Variants in HS2ST1 observed in about 807,000 individuals in gnomAD.
The protein encoded by HS2ST1 is 2-O-sulfotransferase.
Under a neutral mutation model 42.9 loss-of-function variants are expected in HS2ST1, and 18 were observed. The observed-to-expected ratio is 0.42, with a 90% CI of 0.29 to 0.62. The LOEUF (loss-of-function observed/expected upper bound fraction) is 0.62. Ranked by LOEUF, HS2ST1 falls within the 20% of genes least tolerant of loss-of-function variation. HS2ST1 has a pLI of 0.21. For synonymous variants in HS2ST1, 146 were observed against 152.9 expected, an observed-to-expected ratio of 0.95 and a Z score of 0.33; for missense variants, 334 against 433.8, an observed-to-expected ratio of 0.77 and a Z score of 2.04.
chr1:86,992,362 C>T (rs1172658920), intron 1 of HS2ST1, among the ~76,000 whole-genome samples: 2 of 146,258 alleles, frequency 1.4e-5, no homozygotes, highest in African/African-American at 5.0e-5. Context: ...TTTTCTCTTT[C>T]TTTTTTTTTT....
At chr1:87,083,105 A>G (rs1176194837) in intron 2 of HS2ST1, among the ~76,000 whole-genome samples, 1 of 152,174 alleles carries the variant, frequency 6.6e-6, no homozygotes, top group Non-Finnish European at 1.5e-5. Context: ...ACATATAGCT[A>G]TATCTGCACT....
At chr1:87,021,330 C>T (rs1245225958) in intron 1 of HS2ST1, among the ~76,000 whole-genome samples, 1 of 152,188 alleles carries the variant, frequency 6.6e-6, no homozygotes, top group East Asian at 1.9e-4. Context: ...GTTCCCCCCT[C>T]TAGTCAATAT....
chr1:86,952,329 C>T (rs1456351443), intron 1 of HS2ST1, among the ~76,000 whole-genome samples: 1 of 151,122 alleles, frequency 6.6e-6, no homozygotes, highest in African/African-American at 2.4e-5. Context: ...CCTTTGCCTC[C>T]TGGGCTCAAG....
chr1:87,047,531 T>C (rs914874135), intron 1 of HS2ST1, among the ~76,000 whole-genome samples: 7 of 152,196 alleles, frequency 4.6e-5, no homozygotes, highest in African/African-American at 1.7e-4. Flanking sequence ...ATAAGTTTTA[T>C]AATTTTAGCT....
At chr1:87,008,861 C>A (rs1374070555) in intron 1 of HS2ST1, among the ~76,000 whole-genome samples, 1 of 152,034 alleles carries the variant, frequency 6.6e-6, no homozygotes, top group African/African-American at 2.4e-5. Flanking sequence ...TTTATTTATT[C>A]GAGACAGGGT....
intron 1 of HS2ST1, among the ~76,000 whole-genome samples, chr1:86,948,658 ATTT>A (rs1647412841): frequency 6.6e-6 from 1 of 152,184 alleles, no homozygotes; most frequent in Non-Finnish European, 1.5e-5. Flanking sequence ...TGTGCCATTT[ATTT>A]TTAATTAGAA....
chr1:87,003,342 AT>A (rs1399708373), intron 1 of HS2ST1, among the ~76,000 whole-genome samples: 1 of 152,246 alleles, frequency 6.6e-6, no homozygotes, highest in Non-Finnish European at 1.5e-5. Context: ...TTCATACTAA[AT>A]GGGATTTTAT....
Position 87,087,495 on chromosome 1 carries a change from T to A in HS2ST1, c.449+3216T>A, listed in dbSNP as rs148995623. Among the ~76,000 whole-genome samples, 295 of 152,252 alleles carry A rather than the reference T, an allele frequency of 1.9e-3. 1 individual carries two copies. The highest frequency in any genetic ancestry group is 6.8e-3 in the African/African-American group (281 of 41,564). ...TGGTTCCTCCATATTGCCGCTAGTA[T>A]CATTTTCAGAACAAGTGAGGTGAAT... On this transcript the variant is annotated intron_variant, in intron 3 of 6. Coordinates refer to ENST00000370550, the MANE Select transcript of HS2ST1 (RefSeq NM_012262.4).
chr1:87,004,651 A>G (rs919788439), intron 1 of HS2ST1, among the ~76,000 whole-genome samples: 7 of 152,328 alleles, frequency 4.6e-5, no homozygotes, highest in Non-Finnish European at 5.9e-5. Flanking sequence ...GTATTCCCTG[A>G]ACTAATTCCA....
chr1:87,073,485 T>C (rs2100635099), intron 2 of HS2ST1, among the ~76,000 whole-genome samples: 1 of 152,296 alleles, frequency 6.6e-6, no homozygotes, highest in Middle Eastern at 3.4e-3. Flanking sequence ...TACCCTGCAA[T>C]AAAAATTATT....
intron 1 of HS2ST1, among the ~76,000 whole-genome samples, chr1:86,937,178 A>G (rs1660675583): frequency 6.6e-6 from 1 of 152,112 alleles, no homozygotes; most frequent in South Asian, 2.1e-4. Flanking sequence ...TTGCAAACTG[A>G]TATTCCCGAA....
Position 87,101,150 on chromosome 1 carries a change from TTTTTTG to T in HS2ST1, c.687-2276_687-2271del, listed in dbSNP as rs542734240. On this transcript the variant is annotated intron_variant, in intron 5 of 6. Coordinates refer to ENST00000370550, the MANE Select transcript of HS2ST1 (RefSeq NM_012262.4). The stretch of plus-strand genomic sequence containing the variant: ...CATCACTTTTGTGTGTGTGTGTGTG[TTTTTTG>T]TTTTTTTTTTTTTTTTTTTTTTTTT... Among the ~76,000 whole-genome samples the T allele has an allele frequency of 5.4e-3, 349 of 65,094 alleles. 52 individuals are homozygous for T. The highest frequency in any genetic ancestry group is 0.021 in the African/African-American group (331 of 15,934). 42.7% of individuals were successfully genotyped at this position (65,094 alleles called of 152,430 possible). A position where few individuals can be genotyped will look rare whatever the true frequency, so the allele number is the denominator to read the frequency against.
intron 1 of HS2ST1, among the ~76,000 whole-genome samples, chr1:86,930,206 G>A (rs1216891863): frequency 1.3e-5 from 2 of 151,956 alleles, no homozygotes; most frequent in South Asian, 2.1e-4. Context: ...AATTTGAAGA[G>A]TAGAGCAGTG....
chr1:87,078,340 C>CA (rs780275759), intron 2 of HS2ST1, among the ~76,000 whole-genome samples: 1 of 152,150 alleles, frequency 6.6e-6, no homozygotes, highest in Non-Finnish European at 1.5e-5. Context: ...ATTCAACTAA[C>CA]AAAAAACCCC....
chr1:86,988,032 G>C (rs754260640), intron 1 of HS2ST1, among the ~76,000 whole-genome samples: 1 of 152,192 alleles, frequency 6.6e-6, no homozygotes, highest in Non-Finnish European at 1.5e-5. Context: ...AAGGTTGCTG[G>C]TCTCTCTCAC....
chr1:87,091,730 G>A (rs1037805468), intron 3 of HS2ST1, among the ~76,000 whole-genome samples: 1 of 152,024 alleles, frequency 6.6e-6, no homozygotes, highest in African/African-American at 2.4e-5. Flanking sequence ...TAATGGAAAA[G>A]TAAGAATCAA....
chr1:87,040,952 T>G (rs1650505343), intron 1 of HS2ST1, among the ~76,000 whole-genome samples: 1 of 152,100 alleles, frequency 6.6e-6, no homozygotes, highest in Non-Finnish European at 1.5e-5. Context: ...TCAGGGTTAT[T>G]GAAGGAATTT....
intron 1 of HS2ST1, among the ~76,000 whole-genome samples, chr1:86,998,412 A>G (rs17099785): frequency 0.13 from 19,359 of 152,222 alleles, 1,409 homozygotes; most frequent in African/African-American, 0.19. Flanking sequence ...GTCTAAGTCA[A>G]TAAGTCCATT....
chr1:86,963,875 G>A (rs1332006650), intron 1 of HS2ST1, among the ~76,000 whole-genome samples: 307 of 142,332 alleles, frequency 2.2e-3, no homozygotes, highest in African/African-American at 8.5e-3. Flanking sequence ...GGCTGGCCGG[G>A]CGGGGCGGCT....
Sources: gnomAD v4.1 joint callset for allele counts (sites outside exome capture counted in the v4.1 genomes callset) on GRCh38, gnomAD v4.1.1 for gene constraint, MANE v1.5 for transcripts, NCBI Gene and HGNC (gene_info 2026-07-23, HGNC 2026-07-21) for gene names.